The following NFRKB variants were observed in gnomAD, a reference collection of about 807,000 sequenced individuals.
The protein encoded by NFRKB is nuclear factor related to kappaB binding protein.
NFRKB carries 62 observed loss-of-function variants against 135.7 expected under a neutral mutation model. The ratio of observed to expected loss-of-function variants is 0.46; its 90% CI spans 0.37 to 0.56. The LOEUF (loss-of-function observed/expected upper bound fraction) is 0.56, where lower values mean the gene tolerates loss of function less well. NFRKB is among the 20% of genes least tolerant of loss of function. The pLI, the probability that NFRKB is intolerant of heterozygous loss-of-function variation, is 0.00. For missense variants in NFRKB, 1,545 were observed against 1,662.0 expected (o/e 0.93, Z 1.22); for synonymous variants, 678 against 635.6 (o/e 1.07, Z -1.00).
chr11:129,869,550 C>T lies in NFRKB; in HGVS notation c.3475G>A (p.Ala1159Thr). The T allele has an allele frequency of 1.9e-6, 3 of 1,613,984 alleles. No individual in the cohort carries two copies. Among genetic ancestry groups the T allele is most frequent in the Non-Finnish European group, 2.5e-6 (3 of 1,180,038 alleles). The change falls in exon 24 of 27, where the codon GCC becomes ACC. Residue 1159 changes from alanine to threonine, a missense_variant. Ala to Thr is a moderately conservative substitution (Grantham distance 58). Transcript: ENST00000682444. ...ACAGGGACCTGCCGCACGGTGGGGG[C>T]TCCTGTGCTGATGCTGATGGGGGTG... is the stretch of plus-strand genomic sequence containing the variant. Reference protein sequence around the residue: ...ASTPISISTGAPTVRQVPVST... With the variant: ...ASTPISISTGTPTVRQVPVST...
intron 17 of NFRKB, 62 bp downstream of exon 17, chr11:129,876,659 T>TCATA: frequency 6.4e-7 from 1 of 1,559,176 alleles, no homozygotes; most frequent in South Asian, 1.2e-5. Flanking sequence ...AGTTCAGAGT[T>TCATA]GGTAAGAGAA....
intron 3 of NFRKB, 41 bp downstream of exon 3, chr11:129,892,674 G>T: frequency 6.2e-7 from 1 of 1,601,924 alleles, no homozygotes; most frequent in African/African-American, 1.3e-5. Context: ...TTACAAGGAA[G>T]CTGACAGAGA....
In NFRKB at chr11:129,882,080, G is replaced by T. The variant is rs376524462; in HGVS notation, c.1191+6C>A. 3 of 1,594,036 alleles carry T rather than the reference G, an allele frequency of 1.9e-6. No homozygotes were observed. The East Asian group carries it at 6.7e-5, about 36-fold the overall frequency. On this transcript the variant is annotated splice_donor_region_variant and intron_variant, in intron 11 of 26. Transcript: ENST00000682444. ...AATGTACCTCCAACTTTTCCAAAAC[G>T]CTTACCATAGGAAGGCTAGCCTGAC...
In NFRKB at chr11:129,869,692, G is replaced by T; in HGVS notation, c.3333C>A (p.Ala1111=). Residue 1111 remains alanine (A), a synonymous_variant, in exon 24 of 27, where the codon GCC becomes GCA. Transcript: ENST00000682444. The stretch of plus-strand genomic sequence containing the variant: ...CACTGGCCACCGAGGCCCCTTGCTT[G>T]GCGTGGGTTGCAACGGTGATGGTCT... The part of the protein sequence containing the change: ...AGQTITVATH[A]KQGASVASGS... The T allele has an allele frequency of 6.2e-7, 1 of 1,614,226 alleles. No individual in the cohort carries two copies.
intron 24 of NFRKB, 52 bp from the exon 25 acceptor site, chr11:129,866,035 G>A (rs749330191): frequency 2.7e-6 from 4 of 1,467,412 alleles, no homozygotes; most frequent in Admixed American, 2.0e-5. Context: ...AGGAAAACCA[G>A]CAAGTGTCAC....
Position 129,864,609 on chromosome 11 carries a change from C to T in NFRKB, c.*116G>A. On this transcript the variant is annotated 3_prime_UTR_variant, in exon 27 of 27. Coordinates refer to ENST00000682444, the MANE Select transcript of NFRKB (RefSeq NM_001143835.2). ...GAATCCAGGCCACCGTTGCCATCAC[C>T]CCTCGCCTGGCTGCCTTGAACAGGC... The T allele has an allele frequency of 1.4e-6, 2 of 1,455,978 alleles. No individual in the cohort carries two copies. The highest frequency in any genetic ancestry group is 1.4e-5 in the African/African-American group (1 of 72,090). The allele number at this position is 1,455,978 out of a possible 1,614,324, so 90.2% of individuals were successfully genotyped here. A position where few individuals can be genotyped will look rare whatever the true frequency, so the allele number is the denominator to read the frequency against.
At position 129,884,787 on chromosome 11, in the gene NFRKB, G is replaced by A. The variant is rs766643676; in HGVS notation, c.700C>T (p.Arg234Trp). 4.1e-5 allele frequency: 66 copies of A among 1,614,042 alleles called. No homozygotes were observed. The highest frequency in any genetic ancestry group is 7.7e-5 in the South Asian group (7 of 91,084). ...ARSPSPAVPL[R>W]VVPTLSTTDM... ...GTGGTTGAAAGTGTGGGCACCACCC[G>A]CAGGGGCACCGCAGGACTAGGAGAA... Residue 234 changes from arginine to tryptophan, a missense_variant, in exon 7 of 27, where the codon CGG (arginine) becomes TGG (tryptophan). This residue lies in a region of NFRKB where 678 missense variants were observed against 646.7 expected (regional missense o/e 1.05). Transcript: ENST00000682444.
In NFRKB at chr11:129,882,501, T is replaced by C; in HGVS notation, c.1032A>G (p.Ala344=). The C allele has an allele frequency of 6.2e-7, 1 of 1,614,004 alleles. No homozygotes were observed. Among genetic ancestry groups the C allele is most frequent in the Non-Finnish European group, 8.5e-7 (1 of 1,179,914 alleles). ...GCGGAGAGGGGGCCTGTGAGAGAGG[T>C]GCGACCCCTTCAGTACTGCTTAGCG... ...AEPLSSTEGV[A]PLSQAPSPLA... is the part of the protein sequence containing the mutation. The change falls in exon 10 of 27, where the codon GCA becomes GCG. Residue 344 remains alanine, a synonymous_variant. Transcript: ENST00000682444.
intron 22 of NFRKB, 123 bp downstream of exon 22, chr11:129,873,622 G>A (rs1415498917): frequency 2.3e-6 from 3 of 1,322,628 alleles, no homozygotes; most frequent in Non-Finnish European, 3.1e-6. Flanking sequence ...TCCGATGAAT[G>A]TCATCACCAG....
At chr11:129,875,315 C>T (rs1481821742) in intron 18 of NFRKB, 42 bp downstream of exon 18, 1 of 1,465,112 alleles carries the variant, frequency 6.8e-7, no homozygotes, top group Non-Finnish European at 9.4e-7. Flanking sequence ...TTTCTTAAAT[C>T]CATTCTGGAA....
In NFRKB at chr11:129,874,271, C is replaced by A. The variant is rs1223160129; in HGVS notation, c.2121G>T (p.Gln707His). ...VLSSGPSEQSQMSLSDSSMPP... is the reference protein window; with the variant it reads ...VLSSGPSEQSHMSLSDSSMPP... ...GCATACTGGAGTCACTGAGGCTCATCTGGCTCTGCTCAGAAGGGCCACTGC... is the reference window on the plus strand; with the variant it reads ...GCATACTGGAGTCACTGAGGCTCATATGGCTCTGCTCAGAAGGGCCACTGC... Residue 707 changes from glutamine to histidine, a missense_variant, in exon 21 of 27, where the codon CAG becomes CAT. This residue lies in a region of NFRKB where 753 missense variants were observed against 804.3 expected (regional missense o/e 0.94). Coordinates refer to ENST00000682444, the MANE Select transcript of NFRKB (RefSeq NM_001143835.2). This position sits in a 1 kb window ranked among gnomAD's most constrained non-coding sequence, Gnocchi z 4.5. 2.0e-6 allele frequency: 3 copies of A among 1,516,692 alleles called. No individual in the cohort carries two copies. Among genetic ancestry groups the A allele is most frequent in the Non-Finnish European group, 2.6e-6 (3 of 1,134,718 alleles). 94.0% of individuals were successfully genotyped at this position (1,516,692 alleles called of 1,614,324 possible). A position where few individuals can be genotyped will look rare whatever the true frequency, so the allele number is the denominator to read the frequency against.
At position 129,877,528 on chromosome 11, in the gene NFRKB, C is replaced by T. The variant is rs886733484; in HGVS notation, c.1512-143G>A. Reference sequence around the variant, plus strand: ...AATTCTTACAAAGGCGAAGAGCCCACCTTCCAGCTCCTACGAAGTAACTCC... The same window carrying T: ...AATTCTTACAAAGGCGAAGAGCCCATCTTCCAGCTCCTACGAAGTAACTCC... On this transcript the variant is annotated intron_variant, in intron 15 of 26. Transcript: ENST00000682444. The T allele has an allele frequency of 5.5e-6, 4 of 732,506 alleles. No homozygotes were observed. In the East Asian group the frequency reaches 1.0e-4, roughly 18 times the overall value. The allele number at this position is 732,506 out of a possible 1,614,324, so 45.4% of individuals were successfully genotyped here. A position where few individuals can be genotyped will look rare whatever the true frequency, so the allele number is the denominator to read the frequency against.
At position 129,864,865 on chromosome 11, in the gene NFRKB, A is replaced by G. The variant is rs776353487; in HGVS notation, c.3775-15T>C. 1.2e-5 allele frequency: 19 copies of G among 1,614,230 alleles called. No individual in the cohort carries two copies. Among genetic ancestry groups the G allele is most frequent in the Non-Finnish European group, 1.5e-5 (18 of 1,180,020 alleles). On this transcript the variant is annotated splice_polypyrimidine_tract_variant and intron_variant, in intron 26 of 26. Transcript: ENST00000682444. ...TGGATGCGCACCTGTTTGCAAAGAC[A>G]GAAGGTCAGGTCAATGGATTGCAAG...
chr11:129,882,215 T>C (rs2135663484), intron 10 of NFRKB, 21 bp from the exon 11 acceptor site: 1 of 1,582,380 alleles, frequency 6.3e-7, no homozygotes, highest in East Asian at 2.2e-5. Context: ...AAGAAAAATA[T>C]AAGAACCAAA....
chr11:129,877,542 C>T (rs1033748369), intron 15 of NFRKB, among the ~76,000 whole-genome samples, 157 bp from the exon 16 acceptor site: 4 of 152,188 alleles, frequency 2.6e-5, no homozygotes, highest in African/African-American at 7.2e-5. Flanking sequence ...CCAGCTCCTA[C>T]GAAGTAACTC....
At position 129,882,600 on chromosome 11, in the gene NFRKB, CTTT is replaced by C. The variant is rs149369172; in HGVS notation, c.930_932del (p.Lys311del). 22 of 1,611,044 alleles carry C rather than the reference CTTT, an allele frequency of 1.4e-5. No individual in the cohort carries two copies. The highest frequency in any genetic ancestry group is 1.6e-4 in the Middle Eastern group (1 of 6,076). On this transcript the variant is annotated inframe_deletion, in exon 10 of 27. Coordinates refer to ENST00000682444, the MANE Select transcript of NFRKB (RefSeq NM_001143835.2). ...TCTTCTTTTCCTCTTTTTCCTTAAC[CTTT>C]TTTTTAAGGACAGCCAAGTCATATA...
rs773676776 is a variant in NFRKB, at chr11:129,877,301, T to G, written c.1572+24A>C. 6 of 1,613,190 alleles carry G rather than the reference T, an allele frequency of 3.7e-6. No homozygotes were observed. The East Asian group carries it at 1.1e-4, about 30-fold the overall frequency. ...CTGCATGGCTCACAGAGGCAGAGAC[T>G]TACACTGGCTTTTAGGTTCTTACCT... On this transcript the variant is annotated intron_variant, in intron 16 of 26. Transcript: ENST00000682444.
In NFRKB at chr11:129,869,871, C is replaced by T. The variant is rs1948412842; in HGVS notation, c.3154G>A (p.Glu1052Lys). 6.2e-7 allele frequency: 1 copy of T among 1,614,144 alleles called. No individual in the cohort carries two copies. Among genetic ancestry groups the T allele is most frequent in the Non-Finnish European group, 8.5e-7 (1 of 1,180,056 alleles). The change falls in exon 24 of 27, where the codon GAA becomes AAA. Residue 1052 changes from glutamate (E) to lysine (K), a missense_variant. Coordinates refer to ENST00000682444, the MANE Select transcript of NFRKB (RefSeq NM_001143835.2). ...AAGCGAAAAGCCGAACTTGAGGCTTCTGTTGGCTTGAGGTCAGGAGTCACT... is the reference window on the plus strand; with the variant it reads ...AAGCGAAAAGCCGAACTTGAGGCTTTTGTTGGCTTGAGGTCAGGAGTCACT... ...VKVTPDLKPT[E>K]ASSSAFRLMP...
chr11:129,885,634 C>A, intron 5 of NFRKB, 25 bp from the exon 6 acceptor site: 1 of 1,584,920 alleles, frequency 6.3e-7, no homozygotes, highest in Non-Finnish European at 8.6e-7. Context: ...GGTGGGGGTA[C>A]AAGTCATCAT....
Sources: gnomAD v4.1 joint callset for allele counts (sites outside exome capture counted in the v4.1 genomes callset) on GRCh38, gnomAD v4.1.1 for gene constraint, gnomAD v4.1.1 regional missense constraint, Gnocchi (gnomAD v3.1) non-coding constraint, MANE v1.5 for transcripts, NCBI Gene and HGNC (gene_info 2026-07-23, HGNC 2026-07-21) for gene names.